LRMDA: variants seen among roughly 807,000 people sequenced by gnomAD.
LRMDA encodes the protein leucine rich melanocyte differentiation associated.
A neutral mutation model predicts 29.8 loss-of-function variants in LRMDA; 18 were observed. The observed-to-expected ratio is 0.60, with a 90% CI of 0.42 to 0.90. LRMDA has a LOEUF of 0.90. LRMDA is among the 40% of genes least tolerant of loss of function. The pLI is 0.00. For synonymous variants in LRMDA, 125 were observed against 109.4 expected, an observed-to-expected ratio of 1.14 and a Z score of -0.89; for missense variants, 273 against 273.9, an observed-to-expected ratio of 1.00 and a Z score of 0.02.
chr10:76,326,892 G>T (rs1164121003), intron 6 of LRMDA, among the ~76,000 whole-genome samples: 1 of 151,988 alleles, frequency 6.6e-6, no homozygotes, highest in Non-Finnish European at 1.5e-5. Context: ...GTAACATGTC[G>T]TATTTTGCTT....
chr10:75,437,724 C>G (rs1844277330), intron 1 of LRMDA, among the ~76,000 whole-genome samples: 1 of 152,124 alleles, frequency 6.6e-6, no homozygotes. Flanking sequence ...AGAAGAATGC[C>G]CAAAGAAACA....
intron 5 of LRMDA, among the ~76,000 whole-genome samples, chr10:76,111,862 T>C: frequency 6.6e-6 from 1 of 152,004 alleles, no homozygotes; most frequent in Non-Finnish European, 1.5e-5. Context: ...AAATTAGCCG[T>C]TTAAATTAGA....
chr10:75,823,759 CACACACACACACAT>C (rs964266608), intron 2 of LRMDA, among the ~76,000 whole-genome samples: 3 of 149,464 alleles, frequency 2.0e-5, no homozygotes, highest in African/African-American at 7.4e-5. Context: ...TACTTACATA[CACACACACACACAT>C]ACACACACAC....
intron 5 of LRMDA, among the ~76,000 whole-genome samples, chr10:76,305,416 C>T (rs112151454): frequency 0.015 from 2,274 of 152,188 alleles, 51 homozygotes; most frequent in African/African-American, 0.052. Context: ...TTCTCCCTCC[C>T]TTCCTCTTTC....
chr10:75,779,262 C>A (rs12411982), intron 2 of LRMDA, among the ~76,000 whole-genome samples: 44 of 152,100 alleles, frequency 2.9e-4, no homozygotes, highest in African/African-American at 1.0e-3. Flanking sequence ...ATATTTGACC[C>A]CTTTTGCCCC....
At chr10:75,850,901 A>G (rs1040145938) in intron 2 of LRMDA, among the ~76,000 whole-genome samples, 2 of 152,202 alleles carry the variant, frequency 1.3e-5, no homozygotes, top group Admixed American at 6.5e-5. Flanking sequence ...CAGAGGTTTG[A>G]AGGCATGAAC....
At chr10:75,637,265 AG>A (rs1180810059) in intron 2 of LRMDA, among the ~76,000 whole-genome samples, 1 of 152,220 alleles carries the variant, frequency 6.6e-6, no homozygotes, top group Non-Finnish European at 1.5e-5. Context: ...TGATTGGTCC[AG>A]GTCTGTGCCT....
intron 2 of LRMDA, among the ~76,000 whole-genome samples, chr10:75,946,818 A>C (rs1357004787): frequency 6.6e-6 from 1 of 152,100 alleles, no homozygotes; most frequent in Non-Finnish European, 1.5e-5. Context: ...CACTCACCTT[A>C]GGCAGGGGTC....
chr10:76,020,398 C>A (rs1010274881), intron 2 of LRMDA, among the ~76,000 whole-genome samples: 3 of 152,208 alleles, frequency 2.0e-5, no homozygotes, highest in African/African-American at 7.2e-5. Flanking sequence ...CTAAGTCTGG[C>A]AGAGGACGAA....
chr10:75,681,635 A>G (rs1055937557), intron 2 of LRMDA, among the ~76,000 whole-genome samples: 15 of 152,204 alleles, frequency 9.9e-5, no homozygotes, highest in Admixed American at 5.2e-4. Flanking sequence ...AGCCACGCCA[A>G]ATAGCACAAG....
At chr10:75,820,890 T>G (rs1844145871) in intron 2 of LRMDA, among the ~76,000 whole-genome samples, 1 of 152,184 alleles carries the variant, frequency 6.6e-6, no homozygotes, top group Non-Finnish European at 1.5e-5. Flanking sequence ...ACCATCTGTT[T>G]ATGTACAAAC....
At chr10:76,008,350 G>A (rs1401607666) in intron 2 of LRMDA, among the ~76,000 whole-genome samples, 2 of 152,184 alleles carry the variant, frequency 1.3e-5, no homozygotes, top group South Asian at 2.1e-4. Context: ...TTGACTGAAG[G>A]CTGGAGGGGC....
intron 2 of LRMDA, among the ~76,000 whole-genome samples, chr10:75,786,883 C>A (rs1170889879): frequency 2.0e-5 from 3 of 152,212 alleles, no homozygotes; most frequent in Non-Finnish European, 2.9e-5. Context: ...AGCCTAGTGA[C>A]TTGACCTGGT....
chr10:75,496,126 A>T (rs1589160486), intron 2 of LRMDA, among the ~76,000 whole-genome samples: 1 of 152,212 alleles, frequency 6.6e-6, no homozygotes, highest in Admixed American at 6.5e-5. Context: ...GCACTTTTAC[A>T]GTTAGTGAGA....
At chr10:76,019,912 G>T (rs541725028) in intron 2 of LRMDA, among the ~76,000 whole-genome samples, 1 of 152,198 alleles carries the variant, frequency 6.6e-6, no homozygotes, top group South Asian at 2.1e-4. Flanking sequence ...CTGGGCTTCT[G>T]AATTTTTGAT....
At chr10:76,005,371 T>A (rs2132473095) in intron 2 of LRMDA, among the ~76,000 whole-genome samples, 1 of 152,352 alleles carries the variant, frequency 6.6e-6, no homozygotes, top group African/African-American at 2.4e-5. Context: ...TAGAAAAATG[T>A]TGATAAACCT....
At chr10:75,752,509 C>G (rs1842981306) in intron 2 of LRMDA, among the ~76,000 whole-genome samples, 1 of 152,178 alleles carries the variant, frequency 6.6e-6, no homozygotes. Context: ...CACGCCCAGC[C>G]AATGTGCCTT....
chr10:76,456,802 T>G (rs79924214), intron 6 of LRMDA, among the ~76,000 whole-genome samples: 7,803 of 152,226 alleles, frequency 0.051, 335 homozygotes, highest in African/African-American at 0.11. Flanking sequence ...TTCTAGCTCT[T>G]GAAGGAAGAC....
rs558490885 is a variant in LRMDA, at chr10:75,793,037, T to G, written c.132-242971T>G. Among the ~76,000 whole-genome samples, 9 of 152,142 alleles carry G rather than the reference T, an allele frequency of 5.9e-5. No individual in the cohort carries two copies. In the East Asian group the frequency reaches 1.7e-3, roughly 29 times the overall value. ...TGTACAAGAGAATGACTGTCCTGAG[T>G]CTTAAAGGGTGAGAATAATAGGAGA... On this transcript the variant is annotated intron_variant, in intron 2 of 6. Transcript: ENST00000611255.
Sources: allele counts gnomAD v4.1 joint callset (sites outside exome capture counted in the v4.1 genomes callset), GRCh38; gene constraint gnomAD v4.1.1; transcripts MANE v1.5; gene names NCBI Gene and HGNC (gene_info 2026-07-23, HGNC 2026-07-21).